The following COG7 variants were observed in gnomAD, a reference collection of about 807,000 sequenced individuals.
COG7 encodes the protein conserved oligomeric Golgi complex subunit 7.
Under a neutral mutation model 91.5 loss-of-function variants are expected in COG7, and 49 were observed. The ratio of observed to expected loss-of-function variants is 0.54; its 90% CI spans 0.43 to 0.68. The LOEUF (loss-of-function observed/expected upper bound fraction) is 0.68. COG7 is among the 30% of genes least tolerant of loss of function. The pLI is 0.00. For missense variants in COG7, 895 were observed against 961.3 expected (o/e 0.93, Z 0.91); for synonymous variants, 365 against 388.7 (o/e 0.94, Z 0.72).
intron 7 of COG7, among the ~76,000 whole-genome samples, chr16:23,423,611 A>G (rs1963795978): frequency 6.6e-6 from 1 of 152,216 alleles, no homozygotes; most frequent in Admixed American, 6.5e-5. Context: ...GAGCATGCCA[A>G]AAACACCGAT....
intron 1 of COG7, among the ~76,000 whole-genome samples, chr16:23,448,727 T>G (rs186768053): frequency 6.6e-6 from 1 of 152,202 alleles, no homozygotes; most frequent in African/African-American, 2.4e-5. Context: ...TAGTGAAATA[T>G]AATGGTTAAG....
At position 23,452,936 on chromosome 16, in the gene COG7, GCCGCATTGATCCACT is replaced by G. The variant is rs1964290478; in HGVS notation, c.44_58del (p.Glu15_Ala19del). 1 of 1,614,102 alleles carries G rather than the reference GCCGCATTGATCCACT, an allele frequency of 6.2e-7. No individual in the cohort carries two copies. The highest frequency in any genetic ancestry group is 1.3e-5 in the African/African-American group (1 of 75,062). ...CGCCTCCTTGGAGCCGGCCCTGAAGGCCGCATTGATCCACTCCTTCACGTCGAAGTCGTCTGCCAG... is the reference window on the plus strand; with the variant it reads ...CGCCTCCTTGGAGCCGGCCCTGAAGGCCTTCACGTCGAAGTCGTCTGCCAG... On this transcript the variant is annotated inframe_deletion, in exon 1 of 17. Transcript: ENST00000307149.
chr16:23,403,335 C>T (rs912892353), intron 13 of COG7, among the ~76,000 whole-genome samples: 1 of 152,164 alleles, frequency 6.6e-6, no homozygotes, highest in African/African-American at 2.4e-5. Context: ...AGAAATGATT[C>T]GTGTGGTGTG....
rs1963989182 is a variant in COG7 at position 23,434,774 on chromosome 16, G to GA, written c.605-57dup. On this transcript the variant is annotated intron_variant, in intron 4 of 16. Transcript: ENST00000307149. The stretch of plus-strand genomic sequence containing the variant: ...ACCAGCCTTTCTGGTGTAGACATGA[G>GA]AAAAAACTCACCAGGATGAAGGTGG... 21 of 1,236,058 alleles carry GA rather than the reference G, an allele frequency of 1.7e-5. No homozygotes were observed. In the South Asian group the frequency reaches 2.6e-4, roughly 15 times the overall value. The allele number at this position is 1,236,058 out of a possible 1,614,324, so 76.6% of individuals were successfully genotyped here. A position where few individuals can be genotyped will look rare whatever the true frequency, so the allele number is the denominator to read the frequency against.
At chr16:23,413,134 T>C (rs1451364967) in intron 10 of COG7, 1 of 341,812 alleles carries the variant, frequency 2.9e-6, no homozygotes, top group East Asian at 7.4e-5. Flanking sequence ...ATTTTAGGTC[T>C]ATAAAAACTA....
chr16:23,424,242 A>G (rs1433974973), intron 7 of COG7, among the ~76,000 whole-genome samples: 2 of 146,660 alleles, frequency 1.4e-5, no homozygotes, highest in African/African-American at 5.1e-5. Context: ...GGTTGTGGTG[A>G]GCCAAGATCG....
At chr16:23,399,044 T>G (rs1471476347) in intron 13 of COG7, among the ~76,000 whole-genome samples, 1 of 152,116 alleles carries the variant, frequency 6.6e-6, no homozygotes, top group African/African-American at 2.4e-5. Flanking sequence ...CTGGCTGAAC[T>G]CCGGGAGTGA....
intron 11 of COG7, among the ~76,000 whole-genome samples, chr16:23,406,748 T>C (rs1371957164): frequency 1.4e-4 from 21 of 152,210 alleles, no homozygotes; most frequent in Non-Finnish European, 1.5e-4. Flanking sequence ...GGCCCACCTG[T>C]CCTACATGCC....
intron 10 of COG7, among the ~76,000 whole-genome samples, chr16:23,410,664 A>G (rs1409743964): frequency 1.3e-5 from 2 of 152,172 alleles, no homozygotes; most frequent in Non-Finnish European, 2.9e-5. Context: ...TGTCCTTGAG[A>G]AAAACAGGGT....
intron 2 of COG7, 26 bp from the exon 3 acceptor site, chr16:23,445,190 A>AT: frequency 6.6e-7 from 1 of 1,507,844 alleles, no homozygotes; most frequent in Non-Finnish European, 9.2e-7. Flanking sequence ...GGGGTGAAAA[A>AT]TGAAGGGGTA....
In COG7 at chr16:23,434,733, A is replaced by T; in HGVS notation, c.605-15T>A. On this transcript the variant is annotated splice_polypyrimidine_tract_variant and intron_variant, in intron 4 of 16. Coordinates refer to ENST00000307149, the MANE Select transcript of COG7 (RefSeq NM_153603.4). The stretch of plus-strand genomic sequence containing the variant: ...TTTGGACTGATCTAAAGAACATACA[A>T]TGTATATATACTGTTACCAGCCTTT... The T allele has an allele frequency of 1.3e-6, 2 of 1,569,000 alleles. No individual in the cohort carries two copies. The highest frequency in any genetic ancestry group is 1.8e-6 in the Non-Finnish European group (2 of 1,138,976).
chr16:23,388,773 T>A lies in COG7; in HGVS notation c.*147A>T. 7.0e-7 allele frequency: 1 copy of A among 1,427,156 alleles called. No homozygotes were observed. Among genetic ancestry groups the A allele is most frequent in the East Asian group, 2.6e-5 (1 of 38,874 alleles). The allele number at this position is 1,427,156 out of a possible 1,614,324, so 88.4% of individuals were successfully genotyped here. ...GCTTGGCCTCCCAAAGTGCTGGGATTACAGGCGTGAGCCACCGTGACCAGC... is the reference window on the plus strand; with the variant it reads ...GCTTGGCCTCCCAAAGTGCTGGGATAACAGGCGTGAGCCACCGTGACCAGC... On this transcript the variant is annotated 3_prime_UTR_variant, in exon 17 of 17. Coordinates refer to ENST00000307149, the MANE Select transcript of COG7 (RefSeq NM_153603.4).
At chr16:23,430,022 T>C (rs964201568) in intron 6 of COG7, among the ~76,000 whole-genome samples, 39 of 152,082 alleles carry the variant, frequency 2.6e-4, no homozygotes, top group African/African-American at 9.4e-4. Context: ...GGAAGGAGCA[T>C]GAGGGAACTT....
chr16:23,426,818 C>CAAAAAA (rs1176659874), intron 6 of COG7, among the ~76,000 whole-genome samples: 2 of 60,254 alleles, frequency 3.3e-5, no homozygotes, highest in Non-Finnish European at 6.7e-5. Context: ...AGCAATTGGA[C>CAAAAAA]AAAAAAAAAA....
Position 23,389,099 on chromosome 16 carries a change from A to T in COG7, c.2147-13T>A, listed in dbSNP as rs1244715399. On this transcript the variant is annotated splice_polypyrimidine_tract_variant and intron_variant, in intron 16 of 16. Coordinates refer to ENST00000307149, the MANE Select transcript of COG7 (RefSeq NM_153603.4). ...TTGATCAGATAGTCTGTGGGGGCGG[A>T]GAGGAGACAGACAGAGCTCCACAGA... The T allele has an allele frequency of 6.2e-7, 1 of 1,613,010 alleles. No homozygotes were observed. The highest frequency in any genetic ancestry group is 8.5e-7 in the Non-Finnish European group (1 of 1,179,722).
intron 4 of COG7, among the ~76,000 whole-genome samples, chr16:23,437,083 G>T (rs555130796): frequency 6.6e-6 from 1 of 152,150 alleles, no homozygotes; most frequent in Non-Finnish European, 1.5e-5. Flanking sequence ...TTTCCACTGC[G>T]GCCCAGCAGA....
intron 4 of COG7, among the ~76,000 whole-genome samples, chr16:23,438,840 C>T (rs1416574666): frequency 6.6e-6 from 1 of 151,802 alleles, no homozygotes; most frequent in Non-Finnish European, 1.5e-5. Flanking sequence ...AACAGTATAA[C>T]AGCTCCTCAA....
chr16:23,438,421 G>A (rs1035184874), intron 4 of COG7, among the ~76,000 whole-genome samples: 1 of 152,092 alleles, frequency 6.6e-6, no homozygotes, highest in African/African-American at 2.4e-5. Context: ...AGCTGGGCGT[G>A]GTAGTGCACA....
chr16:23,392,560 C>T, intron 15 of COG7, 37 bp from the exon 16 acceptor site: 1 of 1,613,714 alleles, frequency 6.2e-7, no homozygotes, highest in Non-Finnish European at 8.5e-7. Flanking sequence ...AAAACACAGG[C>T]CTGCAGTAGC....
Sources: allele counts gnomAD v4.1 joint callset (sites outside exome capture counted in the v4.1 genomes callset), GRCh38; gene constraint gnomAD v4.1.1; transcripts MANE v1.5; gene names NCBI Gene and HGNC (gene_info 2026-07-23, HGNC 2026-07-21).